The following ME3 variants were observed in gnomAD, a reference collection of about 807,000 sequenced individuals.
ME3 encodes malic enzyme 3, also known as NADP-dependent malic enzyme, mitochondrial.
Under a neutral mutation model 68.9 loss-of-function variants are expected in ME3, and 48 were observed. The observed-to-expected ratio is 0.70, with a 90% confidence interval of 0.55 to 0.89. The LOEUF (loss-of-function observed/expected upper bound fraction) is 0.89, where lower values mean the gene tolerates loss of function less well. ME3 is among the 40% of genes least tolerant of loss of function. The pLI, the probability that ME3 is intolerant of heterozygous loss-of-function variation, is 0.00. For synonymous variants in ME3, 320 were observed against 318.8 expected, an observed-to-expected ratio of 1.00 and a Z score of -0.04; for missense variants, 675 against 797.4, an observed-to-expected ratio of 0.85 and a Z score of 1.85.
At chr11:86,620,781 C>G (rs17211458) in intron 2 of ME3, among the ~76,000 whole-genome samples, 25 of 152,126 alleles carry the variant, frequency 1.6e-4, no homozygotes, top group Non-Finnish European at 2.9e-4. Flanking sequence ...GCCTTAATAT[C>G]ATACATCTTT....
At chr11:86,449,265 C>A (rs1949496917) in intron 10 of ME3, among the ~76,000 whole-genome samples, 1 of 152,226 alleles carries the variant, frequency 6.6e-6, no homozygotes, top group Non-Finnish European at 1.5e-5. Flanking sequence ...TTGTGTCTCT[C>A]AACACGTGCT....
At chr11:86,672,129 TCC>T in intron 1 of ME3, 171 bp from the exon 2 acceptor site, 1 of 552,586 alleles carries the variant, frequency 1.8e-6, no homozygotes, top group East Asian at 3.6e-5. Flanking sequence ...CCTGCTCGGC[TCC>T]GCGCGGGGCG....
At chr11:86,625,934 T>G (rs980980720) in intron 2 of ME3, among the ~76,000 whole-genome samples, 1 of 152,202 alleles carries the variant, frequency 6.6e-6, no homozygotes, top group African/African-American at 2.4e-5. Context: ...CACAGGGTTT[T>G]TGTGGGATTA....
chr11:86,570,351 A>G (rs1957723229), intron 2 of ME3, among the ~76,000 whole-genome samples: 2 of 152,120 alleles, frequency 1.3e-5, no homozygotes, highest in Non-Finnish European at 2.9e-5. Flanking sequence ...ACCAGGAGGC[A>G]TTTCCTCCTC....
chr11:86,629,240 G>A (rs1342796051), intron 2 of ME3, among the ~76,000 whole-genome samples: 2 of 152,104 alleles, frequency 1.3e-5, no homozygotes, highest in African/African-American at 2.4e-5. Context: ...GTATTCCTTC[G>A]TCATAACATT....
chr11:86,647,140 C>A (rs564626959), intron 2 of ME3, among the ~76,000 whole-genome samples: 2 of 152,292 alleles, frequency 1.3e-5, no homozygotes, highest in Non-Finnish European at 2.9e-5. Flanking sequence ...GAAACTGCAT[C>A]AACTAATGGG....
intron 4 of ME3, among the ~76,000 whole-genome samples, chr11:86,538,929 T>C (rs1257000299): frequency 6.6e-6 from 1 of 152,148 alleles, no homozygotes; most frequent in African/African-American, 2.4e-5. Flanking sequence ...CCAGAAGTCC[T>C]GTGGCAAATC....
chr11:86,497,882 A>T (rs1169249793), intron 6 of ME3, 81 bp downstream of exon 6: 1 of 1,436,754 alleles, frequency 7.0e-7, no homozygotes, highest in East Asian at 2.4e-5. Flanking sequence ...GTGTAGATAT[A>T]ACCACCCACA....
intron 2 of ME3, among the ~76,000 whole-genome samples, chr11:86,564,758 G>A (rs1957399010): frequency 6.6e-6 from 1 of 151,986 alleles, no homozygotes; most frequent in African/African-American, 2.4e-5. Context: ...GAAGAAAACG[G>A]GTAAATCTTT....
intron 2 of ME3, among the ~76,000 whole-genome samples, chr11:86,642,649 G>A (rs1202107775): frequency 1.3e-5 from 2 of 152,104 alleles, no homozygotes; most frequent in East Asian, 3.9e-4. Flanking sequence ...GCTGCAGTGA[G>A]TCACGATCAT....
At chr11:86,557,106 C>A (rs1313229089) in intron 3 of ME3, among the ~76,000 whole-genome samples, 1 of 152,108 alleles carries the variant, frequency 6.6e-6, no homozygotes, top group African/African-American at 2.4e-5. Context: ...GTTCAAGATG[C>A]TTATGATATT....
chr11:86,488,895 A>G (rs1951842139), intron 6 of ME3, among the ~76,000 whole-genome samples: 1 of 152,174 alleles, frequency 6.6e-6, no homozygotes, highest in Non-Finnish European at 1.5e-5. Context: ...TGATGAGTGA[A>G]GAAATTCCCT....
chr11:86,616,102 T>C (rs1378989146), intron 2 of ME3, among the ~76,000 whole-genome samples: 1 of 152,222 alleles, frequency 6.6e-6, no homozygotes, highest in Non-Finnish European at 1.5e-5. Context: ...ATCCTGCTTT[T>C]CCAGTAAATA....
intron 2 of ME3, among the ~76,000 whole-genome samples, chr11:86,574,627 C>T (rs1401700843): frequency 2.6e-5 from 4 of 152,152 alleles, no homozygotes; most frequent in Non-Finnish European, 5.9e-5. Context: ...GGGGCACTGG[C>T]CTGATGCCAG....
intron 2 of ME3, among the ~76,000 whole-genome samples, chr11:86,652,066 C>A (rs1461009711): frequency 6.6e-6 from 1 of 152,172 alleles, no homozygotes; most frequent in East Asian, 1.9e-4. Flanking sequence ...AAGAAATGAA[C>A]AAACCCTCCA....
intron 2 of ME3, among the ~76,000 whole-genome samples, chr11:86,646,304 T>C (rs1419370963): frequency 1.3e-5 from 2 of 152,154 alleles, no homozygotes; most frequent in Non-Finnish European, 2.9e-5. Flanking sequence ...AGAACCTTGA[T>C]AAAAGGTTAC....
chr11:86,628,984 G>A (rs761356200), intron 2 of ME3, among the ~76,000 whole-genome samples: 27 of 152,204 alleles, frequency 1.8e-4, no homozygotes, highest in Non-Finnish European at 2.2e-4. Context: ...GAACCAGTCC[G>A]CTCTTCTTCC....
In ME3 at chr11:86,482,268, A is replaced by T. The variant is rs145798074; in HGVS notation, c.809+5069T>A. Among the ~76,000 whole-genome samples, 439 of 152,296 alleles carry T rather than the reference A, an allele frequency of 2.9e-3. 1 individual carries two copies. The highest frequency in any genetic ancestry group is 0.01 in the African/African-American group (417 of 41,564). On this transcript the variant is annotated intron_variant, in intron 7 of 14. Transcript: ENST00000543262. ...TCTCAGGTTATCTAAACTTCAATAG[A>T]TACATACGAAATGTTTTTGACTATG...
intron 4 of ME3, among the ~76,000 whole-genome samples, chr11:86,512,364 C>T (rs995861809): frequency 6.6e-6 from 1 of 152,198 alleles, no homozygotes; most frequent in Non-Finnish European, 1.5e-5. Context: ...GATTAATAAT[C>T]CCCATCGCCC....
Sources: allele counts gnomAD v4.1 joint callset (sites outside exome capture counted in the v4.1 genomes callset), GRCh38; gene constraint gnomAD v4.1.1; transcripts MANE v1.5; gene names NCBI Gene and HGNC (gene_info 2026-07-23, HGNC 2026-07-21).